The following CUX2 variants were observed in gnomAD, a reference collection of about 807,000 sequenced individuals.
CUX2 encodes homeobox protein cut-like 2.
Under a neutral mutation model 144.8 loss-of-function variants are expected in CUX2, and 40 were observed. The ratio of observed to expected loss-of-function variants is 0.28; its 90% confidence interval spans 0.21 to 0.36. CUX2 has a LOEUF of 0.36. Ranked by LOEUF, CUX2 falls within the 10% of genes least tolerant of loss-of-function variation. The pLI, the probability that CUX2 is intolerant of heterozygous loss-of-function variation, is 1.00. For synonymous variants in CUX2, 827 were observed against 875.6 expected, an observed-to-expected ratio of 0.94 and a Z score of 0.98; for missense variants, 1,615 against 1,994.0, an observed-to-expected ratio of 0.81 and a Z score of 3.62.
rs909193683 is a variant in CUX2 at position 111,334,655 on chromosome 12, G to T, written c.3141G>T (p.Leu1047=). 2 of 1,613,744 alleles carry T rather than the reference G, an allele frequency of 1.2e-6. No homozygotes were observed. Among genetic ancestry groups the T allele is most frequent in the Non-Finnish European group, 1.7e-6 (2 of 1,179,994 alleles). ...IQEIVAMSPE[L]DTYSITKRVK... ...AGATCGTGGCCATGTCCCCCGAGCT[G>T]GACACGTACTCCATCACCAAGAGGG... is the stretch of plus-strand genomic sequence containing the variant. The change falls in exon 19 of 22, where the codon CTG becomes CTT. Residue 1047 remains leucine, a synonymous_variant. Coordinates refer to ENST00000261726, the MANE Select transcript of CUX2 (RefSeq NM_015267.4).
At chr12:111,265,966 T>C (rs1470300857) in intron 4 of CUX2, among the ~76,000 whole-genome samples, 1 of 152,156 alleles carries the variant, frequency 6.6e-6, no homozygotes, top group Non-Finnish European at 1.5e-5. Flanking sequence ...AGGTCATTTC[T>C]GGGATCTTTG....
intron 1 of CUX2, among the ~76,000 whole-genome samples, chr12:111,079,829 G>A (rs1301129686): frequency 6.6e-6 from 1 of 152,190 alleles, no homozygotes; most frequent in South Asian, 2.1e-4. Context: ...TTGGGACTGG[G>A]TGGGAGGACG....
Position 111,320,651 on chromosome 12 carries a change from C to A in CUX2, c.2642C>A (p.Pro881Gln). Residue 881 changes from proline (P) to glutamine (Q), a missense_variant, in exon 17 of 22, where the codon CCG becomes CAG. Pro to Gln is a moderately conservative substitution (Grantham distance 76). This residue lies in a region of CUX2 where 390 missense variants were observed against 387.1 expected (regional missense o/e 1.01). Coordinates refer to ENST00000261726, the MANE Select transcript of CUX2 (RefSeq NM_015267.4). The surrounding 1 kb of genome is among the most constrained non-coding windows in gnomAD (Gnocchi z 8.1). ...YVPRTLKPTV[P>Q]PLTPEQYELY... Reference sequence around the variant, plus strand: ...CCGCGCACCCTGAAGCCCACCGTGCCGCCGCTGACCCCCGAGCAGTACGAG... The same window carrying A: ...CCGCGCACCCTGAAGCCCACCGTGCAGCCGCTGACCCCCGAGCAGTACGAG... The A allele has an allele frequency of 6.3e-7, 1 of 1,596,652 alleles. No individual in the cohort carries two copies. The highest frequency in any genetic ancestry group is 2.2e-5 in the East Asian group (1 of 44,682).
chr12:111,071,967 G>A (rs76382606), intron 1 of CUX2, among the ~76,000 whole-genome samples: 6 of 152,052 alleles, frequency 3.9e-5, no homozygotes, highest in African/African-American at 1.2e-4. Flanking sequence ...CTGTTCTATC[G>A]ATCTATTTGT....
intron 1 of CUX2, among the ~76,000 whole-genome samples, chr12:111,154,204 C>T (rs1053730111): frequency 6.6e-6 from 1 of 152,060 alleles, no homozygotes; most frequent in Admixed American, 6.5e-5. Context: ...CTCGCTGGGG[C>T]TCTCGGTGAA....
chr12:111,340,979 G>T (rs1226445230), intron 20 of CUX2, among the ~76,000 whole-genome samples: 1 of 152,212 alleles, frequency 6.6e-6, no homozygotes, highest in Non-Finnish European at 1.5e-5. Context: ...GGTTATAAAT[G>T]ACCCTGTCTC....
At chr12:111,164,348 G>T (rs1877984546) in intron 1 of CUX2, among the ~76,000 whole-genome samples, 1 of 152,126 alleles carries the variant, frequency 6.6e-6, no homozygotes, top group South Asian at 2.1e-4. Flanking sequence ...GGCTGAGGCG[G>T]GTGGATTACT....
intron 4 of CUX2, among the ~76,000 whole-genome samples, chr12:111,268,895 TC>T (rs1884510486): frequency 6.6e-6 from 1 of 151,768 alleles, no homozygotes; most frequent in South Asian, 2.1e-4. Flanking sequence ...CTCCCAGGGG[TC>T]CCCAGGCAGC....
chr12:111,267,195 C>CAAA (rs11290695), intron 4 of CUX2, among the ~76,000 whole-genome samples: 80 of 66,220 alleles, frequency 1.2e-3, no homozygotes, highest in African/African-American at 1.4e-3. Flanking sequence ...AAGACCCTGT[C>CAAA]AAAAAAAAAA....
intron 1 of CUX2, among the ~76,000 whole-genome samples, chr12:111,079,155 A>G (rs1208676020): frequency 6.6e-6 from 1 of 152,164 alleles, no homozygotes; most frequent in African/African-American, 2.4e-5. Context: ...CCTCAGACAA[A>G]TTGTCATTCA....
At chr12:111,210,551 T>C (rs1429962889) in intron 1 of CUX2, among the ~76,000 whole-genome samples, 1 of 152,114 alleles carries the variant, frequency 6.6e-6, no homozygotes, top group Non-Finnish European at 1.5e-5. Context: ...CCCAACACTT[T>C]GGGAGGCCAC....
chr12:111,048,810 G>A (rs1319848539), intron 1 of CUX2, among the ~76,000 whole-genome samples: 1 of 152,166 alleles, frequency 6.6e-6, no homozygotes, highest in Non-Finnish European at 1.5e-5. Context: ...TGTAAGAGAG[G>A]TTGAATGTCT....
chr12:111,158,549 A>T (rs1592949738), intron 1 of CUX2, among the ~76,000 whole-genome samples: 1 of 151,554 alleles, frequency 6.6e-6, no homozygotes, highest in Non-Finnish European at 1.5e-5. Context: ...CAGTGCAAAG[A>T]TAGCCTGGGC....
chr12:111,128,920 C>T (rs1875264114), intron 1 of CUX2, among the ~76,000 whole-genome samples: 1 of 152,216 alleles, frequency 6.6e-6, no homozygotes, highest in African/African-American at 2.4e-5. Flanking sequence ...TTCTCCTGTT[C>T]TGGGTCCCAC....
intron 1 of CUX2, among the ~76,000 whole-genome samples, chr12:111,156,119 G>T (rs768713672): frequency 2.6e-5 from 4 of 152,086 alleles, no homozygotes; most frequent in African/African-American, 9.7e-5. Context: ...TTTAATAGTC[G>T]TTCCAAATGA....
chr12:111,138,058 G>T (rs919167528), intron 1 of CUX2, among the ~76,000 whole-genome samples: 1 of 152,176 alleles, frequency 6.6e-6, no homozygotes, highest in African/African-American at 2.4e-5. Context: ...GAAAAGGTGG[G>T]GTCTCCAGCT....
chr12:111,093,640 CG>C (rs919650548), intron 1 of CUX2, among the ~76,000 whole-genome samples: 8 of 152,132 alleles, frequency 5.3e-5, no homozygotes, highest in African/African-American at 1.9e-4. Flanking sequence ...AGAAATTTGA[CG>C]GGGGGGCGAT....
intron 1 of CUX2, among the ~76,000 whole-genome samples, chr12:111,152,197 A>G (rs979193180): frequency 6.6e-6 from 1 of 152,180 alleles, no homozygotes; most frequent in African/African-American, 2.4e-5. Flanking sequence ...AGGCAGGAGA[A>G]TCACTTGAAC....
intron 1 of CUX2, among the ~76,000 whole-genome samples, chr12:111,181,242 C>T (rs1001415471): frequency 7.2e-5 from 11 of 152,214 alleles, no homozygotes; most frequent in African/African-American, 9.6e-5. Context: ...GTTTCTCCAT[C>T]GGCTGTTTGA....
Sources: gnomAD v4.1 joint callset for allele counts (sites outside exome capture counted in the v4.1 genomes callset) on GRCh38, gnomAD v4.1.1 for gene constraint, gnomAD v4.1.1 regional missense constraint, Gnocchi (gnomAD v3.1) non-coding constraint, MANE v1.5 for transcripts, NCBI Gene and HGNC (gene_info 2026-07-23, HGNC 2026-07-21) for gene names.